The following UBE2L3 variants were observed in gnomAD, a reference collection of about 807,000 sequenced individuals.
The protein encoded by UBE2L3 is ubiquitin conjugating enzyme E2 L3, also known as ubiquitin-conjugating enzyme E2 L3.
Under a neutral mutation model 17.8 loss-of-function variants are expected in UBE2L3, and 1 was observed. The observed-to-expected ratio is 0.06, with a 90% CI of 0.02 to 0.27. UBE2L3 has a LOEUF of 0.27. Among genes scored for constraint, UBE2L3 ranks in the 10% least tolerant of loss-of-function variants. UBE2L3 has a pLI of 1.00. For synonymous variants in UBE2L3, 44 were observed against 68.5 expected, an observed-to-expected ratio of 0.64 and a Z score of 1.76; for missense variants, 40 against 192.6, an observed-to-expected ratio of 0.21 and a Z score of 4.69.
At chr22:21,577,138 T>G (rs1200791628) in intron 1 of UBE2L3, among the ~76,000 whole-genome samples, 1 of 152,026 alleles carries the variant, frequency 6.6e-6, no homozygotes, top group Non-Finnish European at 1.5e-5. Flanking sequence ...CCAGCTAATC[T>G]TTTGTATTTT....
At chr22:21,581,229 C>G (rs1251256728) in intron 1 of UBE2L3, among the ~76,000 whole-genome samples, 1 of 151,938 alleles carries the variant, frequency 6.6e-6, no homozygotes, top group Non-Finnish European at 1.5e-5. Context: ...CTAATTTTTG[C>G]ATTTTTTGGT....
At chr22:21,614,984 T>C (rs1929688447) in intron 3 of UBE2L3, among the ~76,000 whole-genome samples, 1 of 151,842 alleles carries the variant, frequency 6.6e-6, no homozygotes, top group Non-Finnish European at 1.5e-5. Context: ...TGAAACCCTG[T>C]CTCTACTAAA....
chr22:21,566,985 C>T (rs866976832), upstream of UBE2L3, among the ~76,000 whole-genome samples: 2 of 152,030 alleles, frequency 1.3e-5, no homozygotes, highest in Non-Finnish European at 2.9e-5. Flanking sequence ...GCTAACGTAT[C>T]CCAGAGGATG....
intron 3 of UBE2L3, among the ~76,000 whole-genome samples, chr22:21,620,182 A>G (rs1303923948): frequency 6.6e-6 from 1 of 151,852 alleles, no homozygotes; most frequent in Non-Finnish European, 1.5e-5. Context: ...AACTACTCTC[A>G]AGGCCAAGGT....
intron 1 of UBE2L3, among the ~76,000 whole-genome samples, chr22:21,561,095 C>T (rs1310540107): frequency 5.9e-5 from 9 of 152,234 alleles, no homozygotes; most frequent in Admixed American, 6.5e-5. Context: ...TAAGCCCCCT[C>T]AGGACTTGGT....
intron 1 of UBE2L3, among the ~76,000 whole-genome samples, chr22:21,577,538 A>G (rs535895400): frequency 6.6e-6 from 1 of 152,196 alleles, no homozygotes; most frequent in African/African-American, 2.4e-5. Context: ...TGGAAAGCAG[A>G]CACCAGTGGC....
At chr22:21,574,147 T>G (rs903350307) in intron 1 of UBE2L3, among the ~76,000 whole-genome samples, 4 of 152,060 alleles carry the variant, frequency 2.6e-5, no homozygotes, top group Non-Finnish European at 5.9e-5. Flanking sequence ...TTGGGGGACA[T>G]AAATAAGCCT....
chr22:21,595,662 C>G (rs1469910241), intron 2 of UBE2L3, among the ~76,000 whole-genome samples: 1 of 152,168 alleles, frequency 6.6e-6, no homozygotes, highest in Non-Finnish European at 1.5e-5. Flanking sequence ...ATTTGTTTTT[C>G]TGTAATTTTT....
At chr22:21,589,044 T>G (rs1928108969) in intron 1 of UBE2L3, among the ~76,000 whole-genome samples, 1 of 152,190 alleles carries the variant, frequency 6.6e-6, no homozygotes, top group South Asian at 2.1e-4. Flanking sequence ...TCTGCCTGCC[T>G]TGGCCTCCCA....
intron 1 of UBE2L3, among the ~76,000 whole-genome samples, chr22:21,558,993 G>T (rs1320944775): frequency 5.3e-5 from 8 of 151,846 alleles, no homozygotes; most frequent in Non-Finnish European, 1.2e-4. Flanking sequence ...TGGGAGGCAG[G>T]TGTCCCAGCA....
At chr22:21,566,896 C>T (rs533961301), upstream of UBE2L3, among the ~76,000 whole-genome samples, 1 of 152,328 alleles carries the variant, frequency 6.6e-6, no homozygotes, top group South Asian at 2.1e-4. Context: ...CCTGGCTCTG[C>T]TCCTAGCTGG....
chr22:21,615,491 A>C lies in UBE2L3; in HGVS notation c.310+4448A>C, dbSNP rs527927571. 6.4e-3 allele frequency among the ~76,000 whole-genome samples: 949 copies of C among 148,764 alleles called. 6 individuals carry two copies. The highest frequency in any genetic ancestry group is 0.01 in the Non-Finnish European group (699 of 67,168). ...AATGGCGTGAACCTGGGAGGCGGAG[A>C]TTGCAGTGAGCCGAGATCACGCCAC... On this transcript the variant is annotated intron_variant, in intron 3 of 3. Transcript: ENST00000342192.
intron 3 of UBE2L3, among the ~76,000 whole-genome samples, chr22:21,611,377 G>C (rs975733396): frequency 6.6e-6 from 1 of 152,224 alleles, no homozygotes; most frequent in Non-Finnish European, 1.5e-5. Context: ...CTGCCTACAA[G>C]GGGAAGGGAG....
intron 2 of UBE2L3, among the ~76,000 whole-genome samples, chr22:21,606,666 A>C (rs993247735): frequency 2.0e-5 from 3 of 152,124 alleles, no homozygotes; most frequent in African/African-American, 7.2e-5. Flanking sequence ...CCTGGACAAC[A>C]TAGTGAGACG....
At chr22:21,575,631 CTTTTTTTTTTTTTT>C (rs533923826) in intron 1 of UBE2L3, among the ~76,000 whole-genome samples, 14 of 73,394 alleles carry the variant, frequency 1.9e-4, no homozygotes, top group Non-Finnish European at 2.9e-4. Flanking sequence ...AGTTGAATAG[CTTTTTTTTTTTTTT>C]TTTTTTTTTT....
At chr22:21,579,974 C>T (rs548082359) in intron 1 of UBE2L3, among the ~76,000 whole-genome samples, 47 of 152,302 alleles carry the variant, frequency 3.1e-4, no homozygotes, top group African/African-American at 9.6e-4. Context: ...GCAGTAGGAG[C>T]CTAGAAATAT....
intron 1 of UBE2L3, among the ~76,000 whole-genome samples, chr22:21,590,392 T>G (rs1928191202): frequency 6.6e-6 from 1 of 152,150 alleles, no homozygotes; most frequent in East Asian, 1.9e-4. Flanking sequence ...GAGATGGGGT[T>G]TCGCCATGTT....
At chr22:21,589,021 T>C (rs1356539831) in intron 1 of UBE2L3, among the ~76,000 whole-genome samples, 3 of 152,202 alleles carry the variant, frequency 2.0e-5, no homozygotes, top group Non-Finnish European at 4.4e-5. Flanking sequence ...CTTGAATTCC[T>C]GGGCTCAAGC....
At chr22:21,568,146 C>G (rs1312727089) in intron 1 of UBE2L3, 2 of 1,027,532 alleles carry the variant, frequency 1.9e-6, no homozygotes, top group Non-Finnish European at 2.3e-6. Context: ...GGCCCGAGCG[C>G]CGGAGCCCCT....
Sources: allele counts gnomAD v4.1 joint callset (sites outside exome capture counted in the v4.1 genomes callset), GRCh38; gene constraint gnomAD v4.1.1; transcripts MANE v1.5; gene names NCBI Gene and HGNC (gene_info 2026-07-23, HGNC 2026-07-21).